Variants in TUFT1 observed in about 807,000 individuals in gnomAD.
TUFT1 encodes the protein tuftelin.
In TUFT1, 43 loss-of-function variants were observed where a neutral mutation model predicts 57.8. The observed-to-expected ratio is 0.74, with a 90% CI of 0.58 to 0.96. TUFT1 has a LOEUF of 0.96. Ranked by LOEUF, TUFT1 falls within the 40% of genes least tolerant of loss-of-function variation. The probability of loss-of-function intolerance (pLI) is 0.00; values close to 1 mark genes in which losing one functional copy is unlikely to be tolerated. For synonymous variants in TUFT1, 166 were observed against 176.7 expected (o/e 0.94, Z 0.48); for missense variants, 459 against 489.0 (o/e 0.94, Z 0.58).
At chr1:151,566,336 A>C in intron 6 of TUFT1, 108 bp downstream of exon 6, 2 of 858,812 alleles carry the variant, frequency 2.3e-6, no homozygotes. Context: ...CTCATTAAAT[A>C]CAAGAGTAGT....
chr1:151,568,425 A>G (rs1366995369), intron 6 of TUFT1, among the ~76,000 whole-genome samples: 1 of 152,108 alleles, frequency 6.6e-6, no homozygotes, highest in African/African-American at 2.4e-5. Context: ...AATCTAGTTC[A>G]TTGCTTCTGC....
At chr1:151,577,067 C>T (rs898621593) in intron 9 of TUFT1, among the ~76,000 whole-genome samples, 36 of 152,120 alleles carry the variant, frequency 2.4e-4, no homozygotes, top group Admixed American at 9.8e-4. Context: ...AGCCACTGCC[C>T]CTGGCCAACA....
chr1:151,580,819 G>A, intron 11 of TUFT1, 123 bp from the exon 12 acceptor site: 6 of 782,776 alleles, frequency 7.7e-6, no homozygotes, highest in South Asian at 3.2e-5. Context: ...GTGGTGGCAC[G>A]CATGGTGGGG....
intron 6 of TUFT1, 37 bp downstream of exon 6, chr1:151,566,265 C>G: frequency 6.3e-7 from 1 of 1,575,604 alleles, no homozygotes; most frequent in Non-Finnish European, 8.7e-7. Context: ...CTCCGCTTAG[C>G]CAGGGGCAGG....
intron 1 of TUFT1, among the ~76,000 whole-genome samples, chr1:151,552,955 G>A (rs1665558076): frequency 6.6e-6 from 1 of 152,160 alleles, no homozygotes; most frequent in African/African-American, 2.4e-5. Context: ...ATCTAATGCT[G>A]AGAGACTAAA....
chr1:151,562,384 C>T (rs1665924304), intron 2 of TUFT1: 1 of 638,252 alleles, frequency 1.6e-6, no homozygotes, highest in South Asian at 1.9e-5. Flanking sequence ...TGTCCATTCT[C>T]CCTGGCCGGT....
At chr1:151,578,197 G>A (rs12751350) in intron 9 of TUFT1, among the ~76,000 whole-genome samples, 85,422 of 151,958 alleles carry the variant, frequency 0.56, 26,034 homozygotes, top group Middle Eastern at 0.71. Context: ...CCATCTACCT[G>A]TTGCTTCTAG....
chr1:151,560,070 A>C (rs1665834896), intron 1 of TUFT1, among the ~76,000 whole-genome samples: 1 of 148,516 alleles, frequency 6.7e-6, no homozygotes. Flanking sequence ...TGCTGGGATT[A>C]CAGGCATGAG....
chr1:151,554,771 T>C (rs975426958), intron 1 of TUFT1, among the ~76,000 whole-genome samples: 1 of 143,184 alleles, frequency 7.0e-6, no homozygotes, highest in African/African-American at 2.6e-5. Context: ...TAGCACAGTC[T>C]TGGCTCACTG....
intron 1 of TUFT1, among the ~76,000 whole-genome samples, chr1:151,547,356 G>A (rs1325484733): frequency 1.3e-5 from 2 of 152,226 alleles, no homozygotes; most frequent in Admixed American, 6.5e-5. Context: ...TTCCAGACAC[G>A]TGTGCTCAGA....
chr1:151,578,790 G>C lies in TUFT1; in HGVS notation c.888G>C (p.Lys296Asn), dbSNP rs1396834932. Residue 296 changes from lysine (K) to asparagine (N), a missense_variant, in exon 10 of 13, where the codon AAG becomes AAC. Physicochemically the swap from Lys to Asn is moderately conservative, Grantham distance 94 (BLOSUM62 0). Coordinates refer to ENST00000368849, the MANE Select transcript of TUFT1 (RefSeq NM_020127.3). ...EKIHHLDDML[K>N]SQQRKVRQMI... Reference sequence around the variant, plus strand: ...TCCACCACTTGGATGACATGCTCAAGAGCCAGCAGCGGAAAGTCCGGCAAA... The same window carrying C: ...TCCACCACTTGGATGACATGCTCAACAGCCAGCAGCGGAAAGTCCGGCAAA... 6 of 1,582,862 alleles carry C rather than the reference G, an allele frequency of 3.8e-6. No individual in the cohort carries two copies. Among genetic ancestry groups the C allele is most frequent in the Non-Finnish European group, 5.2e-6 (6 of 1,163,224 alleles).
At chr1:151,564,140 A>G in intron 4 of TUFT1, 150 bp downstream of exon 4, 1 of 649,686 alleles carries the variant, frequency 1.5e-6, no homozygotes, top group Non-Finnish European at 2.6e-6. Context: ...TGTGTCAAAT[A>G]TATAACTTTT....
chr1:151,566,372 A>G (rs1358119128), intron 6 of TUFT1, 144 bp downstream of exon 6: 1 of 660,284 alleles, frequency 1.5e-6, no homozygotes, highest in East Asian at 2.8e-5. Context: ...TCAAACACAG[A>G]GAAATACAAA....
chr1:151,583,508 C>G lies in TUFT1; in HGVS notation c.*1801C>G, dbSNP rs1666705520. On this transcript the variant is annotated 3_prime_UTR_variant, in exon 13 of 13. Transcript: ENST00000368849. ...AGAGCAGGTGATATCCATGTTTCTT[C>G]CCTTTCTGATATTGTTGTCTGTGGC... The G allele has an allele frequency of 6.6e-6, 1 of 152,208 alleles. No individual in the cohort carries two copies. Among genetic ancestry groups the G allele is most frequent in the South Asian group, 2.1e-4 (1 of 4,820 alleles). 9.4% of individuals were successfully genotyped at this position (152,208 alleles called of 1,614,324 possible).
intron 1 of TUFT1, 51 bp from the exon 2 acceptor site, chr1:151,562,040 C>T: frequency 1.3e-6 from 2 of 1,583,062 alleles, no homozygotes; most frequent in Non-Finnish European, 1.7e-6. Context: ...CAGTTTGTAC[C>T]TGTAGACTGT....
intron 1 of TUFT1, chr1:151,545,762 G>A (rs763255392): frequency 3.9e-6 from 2 of 512,432 alleles, no homozygotes; most frequent in East Asian, 5.6e-5. Flanking sequence ...TCCCAGGGGT[G>A]AGAGGAAGGC....
At chr1:151,551,075 A>C (rs912804558) in intron 1 of TUFT1, among the ~76,000 whole-genome samples, 1 of 152,238 alleles carries the variant, frequency 6.6e-6, no homozygotes, top group Non-Finnish European at 1.5e-5. Context: ...AAATCCCCCC[A>C]AAATAGCTCA....
In TUFT1 at chr1:151,580,997, G is replaced by A. The variant is rs764426952; in HGVS notation, c.1064G>A (p.Gly355Asp). Residue 355 changes from glycine (G) to aspartate (D), a missense_variant, in exon 12 of 13, where the codon GGC becomes GAC. By Grantham distance (94) the Gly-to-Asp change is moderately conservative. Coordinates refer to ENST00000368849, the MANE Select transcript of TUFT1 (RefSeq NM_020127.3). ...EHLIEKQISH[G>D]NFSTQARAKT... is the part of the protein sequence containing the mutation. Reference sequence around the variant, plus strand: ...CTGATAGAAAAACAAATCAGTCATGGCAACTTCAGCACCCAGGCCCGGGCC... The same window carrying A: ...CTGATAGAAAAACAAATCAGTCATGACAACTTCAGCACCCAGGCCCGGGCC... 1.2e-6 allele frequency: 2 copies of A among 1,614,038 alleles called. No individual in the cohort carries two copies. The highest frequency in any genetic ancestry group is 1.3e-5 in the African/African-American group (1 of 74,918).
chr1:151,554,688 C>T (rs1394175502), intron 1 of TUFT1, among the ~76,000 whole-genome samples: 2 of 136,686 alleles, frequency 1.5e-5, no homozygotes, highest in Non-Finnish European at 3.1e-5. Flanking sequence ...CCACTGTGCC[C>T]GGCCCCCTTT....
Sources: allele counts gnomAD v4.1 joint callset (sites outside exome capture counted in the v4.1 genomes callset), GRCh38; gene constraint gnomAD v4.1.1; transcripts MANE v1.5; gene names NCBI Gene and HGNC (gene_info 2026-07-23, HGNC 2026-07-21).